DHX58: variants seen among roughly 807,000 people sequenced by gnomAD.
DHX58 encodes DExH-box helicase 58, also known as ATP-dependent RNA helicase DHX58.
DHX58 carries 51 observed loss-of-function variants against 65.0 expected under a neutral mutation model. That is an observed-to-expected ratio of 0.78 (90% CI 0.63 to 0.99). DHX58 has a LOEUF of 0.99. Among genes scored for constraint, DHX58 ranks in the 50% least tolerant of loss-of-function variants. DHX58 has a pLI of 0.00. For missense variants in DHX58, 773 were observed against 891.8 expected, an observed-to-expected ratio of 0.87 and a Z score of 1.70; for synonymous variants, 350 against 365.0, an observed-to-expected ratio of 0.96 and a Z score of 0.47.
Position 42,108,009 on chromosome 17 carries a change from G to T in DHX58, c.778C>A (p.Gln260Lys). ...SRKFGTQMYE[Q>K]QVVKLSEAAA... is the part of the protein sequence containing the mutation. Reference sequence around the variant, plus strand: ...GCCTCACTCAGCTTCACCACCTGCTGCTCATACATTTGCGTCCCAAATTTC... The same window carrying T: ...GCCTCACTCAGCTTCACCACCTGCTTCTCATACATTTGCGTCCCAAATTTC... Residue 260 changes from glutamine to lysine, a missense_variant, in exon 7 of 14, where the codon CAG (glutamine) becomes AAG (lysine). Physicochemically the swap from Gln to Lys is moderately conservative, Grantham distance 53. Coordinates refer to ENST00000251642, the MANE Select transcript of DHX58 (RefSeq NM_024119.3). The T allele has an allele frequency of 1.2e-6, 2 of 1,614,216 alleles. No individual in the cohort carries two copies. Among genetic ancestry groups the T allele is most frequent in the Non-Finnish European group, 1.7e-6 (2 of 1,180,044 alleles).
chr17:42,102,185 C>G (rs1555661664), intron 13 of DHX58, 31 bp downstream of exon 13: 1 of 1,611,594 alleles, frequency 6.2e-7, no homozygotes, highest in South Asian at 1.1e-5. Flanking sequence ...GCTGAGGACT[C>G]TGGGGCCTGG....
chr17:42,107,759 G>A lies in DHX58; in HGVS notation c.842C>T (p.Ala281Val), dbSNP rs782019652. Residue 281 changes from alanine to valine, a missense_variant, in exon 8 of 14, where the codon GCG becomes GTG. By Grantham distance (64) the Ala-to-Val change is moderately conservative. Transcript: ENST00000251642. The part of the protein sequence containing the change: ...LAGLQEQRVY[A>V]LHLRRYNDAL... ...GTCATTGTAGCGCCTCAGGTGAAGC[G>A]CATACACCCGTTGCTCCTGAAGCCC... The A allele has an allele frequency of 1.2e-5, 19 of 1,594,296 alleles. No individual in the cohort carries two copies. The highest frequency in any genetic ancestry group is 2.3e-5 in the East Asian group (1 of 43,988).
At chr17:42,112,517 G>GC (rs1491172928) in intron 1 of DHX58, 88 bp downstream of exon 1, 2 of 60,436 alleles carry the variant, frequency 3.3e-5, no homozygotes, top group Admixed American at 2.6e-4. Flanking sequence ...TGAGGGAGGT[G>GC]GGGGGGGGGA....
intron 8 of DHX58, among the ~76,000 whole-genome samples, chr17:42,107,367 T>TTA (rs55830333): frequency 0.28 from 39,495 of 140,008 alleles, 9,472 homozygotes; most frequent in African/African-American, 0.66. Context: ...CCCCGACTAT[T>TTA]AAAAAAAAAA....
At position 42,111,311 on chromosome 17, in the gene DHX58, GCTC is replaced by G. The variant is rs782295895; in HGVS notation, c.352_354del (p.Glu118del). On this transcript the variant is annotated inframe_deletion, in exon 4 of 14. Transcript: ENST00000251642. ...TGGCCCTCACCAGTGAGCTCCACGTGCTCCTCCTCCTCGGGGCTGGTCAGTGCC... is the reference window on the plus strand; with the variant it reads ...TGGCCCTCACCAGTGAGCTCCACGTGCTCCTCCTCGGGGCTGGTCAGTGCC... 1.2e-5 allele frequency: 19 copies of G among 1,612,662 alleles called. No homozygotes were observed. The highest frequency in any genetic ancestry group is 1.2e-5 in the Non-Finnish European group (14 of 1,178,792).
Position 42,111,793 on chromosome 17 carries a change from C to G in DHX58, c.100G>C (p.Ala34Pro). ...LPTGAGKTRAAAYVAKRHLET... is the reference protein window; with the variant it reads ...LPTGAGKTRAPAYVAKRHLET... The stretch of plus-strand genomic sequence containing the variant: ...AGGTGCCGCTTGGCCACATAAGCAG[C>G]CGCCCGGGTCTTCCCGGCACCCGTG... The change falls in exon 3 of 14, where the codon GCT becomes CCT. Residue 34 changes from alanine to proline, a missense_variant. Coordinates refer to ENST00000251642, the MANE Select transcript of DHX58 (RefSeq NM_024119.3). 6.2e-7 allele frequency: 1 copy of G among 1,614,076 alleles called. No individual in the cohort carries two copies. The highest frequency in any genetic ancestry group is 1.3e-5 in the African/African-American group (1 of 75,036).
At chr17:42,111,533 A>T in intron 3 of DHX58, 36 bp from the exon 4 acceptor site, 2 of 1,609,782 alleles carry the variant, frequency 1.2e-6, no homozygotes, top group Non-Finnish European at 1.7e-6. Flanking sequence ...AAGAGAGCTG[A>T]ATCTGGGGCC....
chr17:42,102,354 C>T (rs1598212364), intron 12 of DHX58, 42 bp from the exon 13 acceptor site: 2 of 1,568,024 alleles, frequency 1.3e-6, no homozygotes, highest in South Asian at 1.1e-5. Flanking sequence ...ATTGACCCTC[C>T]TCAGCCCCGG....
chr17:42,107,848 T>G, intron 7 of DHX58, 53 bp from the exon 8 acceptor site: 13 of 1,532,936 alleles, frequency 8.5e-6, no homozygotes, highest in Non-Finnish European at 1.1e-5. Flanking sequence ...CCCCCTGCCC[T>G]GCCCCATAGG....
intron 8 of DHX58, among the ~76,000 whole-genome samples, chr17:42,106,192 AAG>A (rs1311954699): frequency 6.6e-6 from 1 of 150,390 alleles, no homozygotes; most frequent in African/African-American, 2.4e-5. Flanking sequence ...AAGCAAGAGA[AAG>A]AGAGAGAGAG....
intron 3 of DHX58, 74 bp from the exon 4 acceptor site, chr17:42,111,571 G>A (rs1197042669): frequency 1.6e-5 from 25 of 1,590,768 alleles, no homozygotes; most frequent in Middle Eastern, 1.7e-4. Context: ...AAGGTGACCC[G>A]CAGGACATGG....
chr17:42,102,813 A>ATTTT (rs2053999267), intron 12 of DHX58: 1 of 148,256 alleles, frequency 6.7e-6, no homozygotes, highest in African/African-American at 2.5e-5. Flanking sequence ...TTTTTTTTTT[A>ATTTT]AAGGCAGAGT....
intron 11 of DHX58, 27 bp downstream of exon 11, chr17:42,104,739 C>T (rs1308495336): frequency 1.9e-6 from 3 of 1,611,338 alleles, no homozygotes; most frequent in Non-Finnish European, 2.5e-6. Context: ...CCATCCCTCC[C>T]ACAGGGCATG....
rs2054138557 is a variant in DHX58, at chr17:42,110,867, G to A, written c.417C>T (p.Asp139=). The A allele has an allele frequency of 2.5e-6, 4 of 1,613,636 alleles. No individual in the cohort carries two copies. Among genetic ancestry groups the A allele is most frequent in the Non-Finnish European group, 3.4e-6 (4 of 1,179,776 alleles). ...VVDECHHTHK[D]TVYNVIMSQY... is the part of the protein sequence containing the mutation. ...GGCTCATGATGACGTTGTAGACGGT[G>A]TCCTTGTGCGTGTGGTGGCACTCAT... Residue 139 remains aspartate (D), a synonymous_variant, in exon 5 of 14, where the codon GAC becomes GAT. Coordinates refer to ENST00000251642, the MANE Select transcript of DHX58 (RefSeq NM_024119.3).
At position 42,103,591 on chromosome 17, in the gene DHX58, C is replaced by T. The variant is rs782614969; in HGVS notation, c.1754+17G>A. On this transcript the variant is annotated intron_variant, in intron 12 of 13. Transcript: ENST00000251642. ...TTCCCAGGCCCCCATCCCAGTAGCCCCTTCCACAGGTCTCACGAGAAGTTG... is the reference window on the plus strand; with the variant it reads ...TTCCCAGGCCCCCATCCCAGTAGCCTCTTCCACAGGTCTCACGAGAAGTTG... 3 of 1,613,590 alleles carry T rather than the reference C, an allele frequency of 1.9e-6. No homozygotes were observed. In the African/African-American group the frequency reaches 4.0e-5, roughly 22 times the overall value.
chr17:42,105,872 A>G lies in DHX58; in HGVS notation c.1115T>C (p.Ile372Thr). ...FSSSNSPRGI[I>T]FTRTRQSAHS... Reference sequence around the variant, plus strand: ...TGCGCTTTGGCGGGTGCGGGTGAAGATGATACCCCGAGGGCTGTTAGAGCT... The same window carrying G: ...TGCGCTTTGGCGGGTGCGGGTGAAGGTGATACCCCGAGGGCTGTTAGAGCT... The change falls in exon 9 of 14, where the codon ATC (isoleucine) becomes ACC (threonine). Residue 372 changes from isoleucine to threonine, a missense_variant. Transcript: ENST00000251642. The G allele has an allele frequency of 6.2e-7, 1 of 1,613,958 alleles. No individual in the cohort carries two copies.
At chr17:42,109,223 A>G (rs1391571918) in intron 6 of DHX58, 47 bp downstream of exon 6, 2 of 1,545,212 alleles carry the variant, frequency 1.3e-6, no homozygotes, top group Non-Finnish European at 1.8e-6. Context: ...TAGGTGTCCT[A>G]ACTTCACACC....
At chr17:42,112,573 G>GC (rs2054176611) in intron 1 of DHX58, 32 bp downstream of exon 1, 1 of 125,896 alleles carries the variant, frequency 7.9e-6, no homozygotes, top group African/African-American at 4.0e-5. Flanking sequence ...AAAGGTGGGG[G>GC]TGGGGGGGGG....
chr17:42,105,689 C>T (rs782479807), intron 9 of DHX58, 47 bp downstream of exon 9: 11 of 1,520,986 alleles, frequency 7.2e-6, no homozygotes, highest in Non-Finnish European at 9.7e-6. Context: ...GCACTTCTCT[C>T]CTATGGAATC....
Sources: allele counts gnomAD v4.1 joint callset (sites outside exome capture counted in the v4.1 genomes callset), GRCh38; gene constraint gnomAD v4.1.1; transcripts MANE v1.5; gene names NCBI Gene and HGNC (gene_info 2026-07-23, HGNC 2026-07-21).